RAP1GAP2: variants seen among roughly 807,000 people sequenced by gnomAD.
RAP1GAP2 encodes rap1 GTPase-activating protein 2.
Under a neutral mutation model 95.0 loss-of-function variants are expected in RAP1GAP2, and 27 were observed. That is an observed-to-expected ratio of 0.28 (90% confidence interval 0.21 to 0.39). RAP1GAP2 has a LOEUF of 0.39. Ranked by LOEUF, RAP1GAP2 falls within the 10% of genes least tolerant of loss-of-function variation. The probability of loss-of-function intolerance (pLI) is 1.00; values close to 1 mark genes in which losing one functional copy is unlikely to be tolerated. For synonymous variants in RAP1GAP2, 373 were observed against 380.9 expected (o/e 0.98, Z 0.24); for missense variants, 771 against 970.0 (o/e 0.79, Z 2.72).
At chr17:2,810,522 CTTTTTTT>C (rs1169922962) in intron 2 of RAP1GAP2, among the ~76,000 whole-genome samples, 5 of 69,434 alleles carry the variant, frequency 7.2e-5, no homozygotes, top group African/African-American at 1.8e-4. Flanking sequence ...TCCCCCCACC[CTTTTTTT>C]TTTTTTTTTT....
chr17:3,026,656 C>G (rs35984185), intron 21 of RAP1GAP2, among the ~76,000 whole-genome samples, 192 bp downstream of exon 21: 1 of 152,200 alleles, frequency 6.6e-6, no homozygotes, highest in African/African-American at 2.4e-5. Context: ...ACCTCTCTCT[C>G]AGAGTGACAT....
chr17:2,803,932 T>C (rs181470961), intron 2 of RAP1GAP2, among the ~76,000 whole-genome samples: 1 of 152,310 alleles, frequency 6.6e-6, no homozygotes, highest in East Asian at 1.9e-4. Context: ...AAGCTATGGT[T>C]ATTAAGACAG....
At chr17:2,862,661 G>A (rs2072449808) in intron 2 of RAP1GAP2, among the ~76,000 whole-genome samples, 1 of 152,178 alleles carries the variant, frequency 6.6e-6, no homozygotes, top group East Asian at 1.9e-4. Context: ...ATCCTGGCAA[G>A]TGATACTGGT....
Position 2,839,259 on chromosome 17 carries a change from G to A in RAP1GAP2, c.80+38709G>A, listed in dbSNP as rs1047545332. ...CAGAGGTTGAGTGAACCAGTGAGCCGAGGTCACGCCACTGCACTCCAGCCT... is the reference window on the plus strand; with the variant it reads ...CAGAGGTTGAGTGAACCAGTGAGCCAAGGTCACGCCACTGCACTCCAGCCT... On this transcript the variant is annotated intron_variant, in intron 2 of 24. Transcript: ENST00000254695. Among the ~76,000 whole-genome samples, 27 of 151,856 alleles carry A rather than the reference G, an allele frequency of 1.8e-4. 1 individual carries two copies. Among genetic ancestry groups the A allele is most frequent in the African/African-American group, 6.5e-4 (27 of 41,338 alleles).
chr17:3,023,891 C>T (rs1464641639), intron 19 of RAP1GAP2, among the ~76,000 whole-genome samples: 1 of 151,922 alleles, frequency 6.6e-6, no homozygotes, highest in Non-Finnish European at 1.5e-5. Context: ...CACTTATGAG[C>T]GAGAACATGT....
intron 3 of RAP1GAP2, among the ~76,000 whole-genome samples, chr17:2,931,076 C>T (rs989074428): frequency 2.9e-5 from 4 of 136,798 alleles, no homozygotes; most frequent in East Asian, 2.3e-4. Flanking sequence ...GAGCCGAGAT[C>T]GTGCCCTTGC....
At chr17:2,899,296 C>G (rs556357291) in intron 2 of RAP1GAP2, among the ~76,000 whole-genome samples, 84 of 152,186 alleles carry the variant, frequency 5.5e-4, no homozygotes, top group African/African-American at 2.0e-3. Flanking sequence ...GCTCCGCCTT[C>G]CGGGAGCTTC....
chr17:2,776,423 C>T (rs1192659758), upstream of RAP1GAP2, among the ~76,000 whole-genome samples: 1 of 152,200 alleles, frequency 6.6e-6, no homozygotes, highest in Non-Finnish European at 1.5e-5. Flanking sequence ...GCTGCTCCTT[C>T]TCTCCCCGGG....
intron 3 of RAP1GAP2, among the ~76,000 whole-genome samples, chr17:2,939,300 G>T (rs12451914): frequency 0.12 from 17,759 of 152,234 alleles, 1,106 homozygotes; most frequent in South Asian, 0.17. Flanking sequence ...ATGTTGGCCA[G>T]GCTGGTCTCG....
At chr17:2,795,968 A>C (rs190802843), upstream of RAP1GAP2, among the ~76,000 whole-genome samples, 2 of 152,180 alleles carry the variant, frequency 1.3e-5, no homozygotes, top group Admixed American at 1.3e-4. Context: ...GTGCATGTAT[A>C]CTTACATCCA....
At chr17:2,933,235 G>C (rs1187268307) in intron 3 of RAP1GAP2, among the ~76,000 whole-genome samples, 1 of 152,230 alleles carries the variant, frequency 6.6e-6, no homozygotes, top group Non-Finnish European at 1.5e-5. Flanking sequence ...CCACTGTGGA[G>C]TGAGGGAGGG....
chr17:2,794,330 G>C (rs949417637), upstream of RAP1GAP2, among the ~76,000 whole-genome samples: 2 of 152,162 alleles, frequency 1.3e-5, no homozygotes, highest in African/African-American at 2.4e-5. Flanking sequence ...GACCCTGGAG[G>C]TGGATTGAGT....
chr17:2,772,555 A>G (rs555255157), upstream of RAP1GAP2, among the ~76,000 whole-genome samples: 1 of 151,832 alleles, frequency 6.6e-6, no homozygotes, highest in Non-Finnish European at 1.5e-5. Flanking sequence ...TCTGCCTCCC[A>G]AGGTGCTGAG....
At chr17:2,935,867 AG>A (rs1318123441) in intron 3 of RAP1GAP2, among the ~76,000 whole-genome samples, 2 of 152,104 alleles carry the variant, frequency 1.3e-5, no homozygotes, top group East Asian at 3.9e-4. Context: ...CAGCTGCTGG[AG>A]AAAAACCACA....
In RAP1GAP2 at chr17:2,797,737, C is replaced by T. The variant is rs1001928486; in HGVS notation, c.44+1166C>T. 1.0e-6 allele frequency: 1 copy of T among 985,228 alleles called. No individual in the cohort carries two copies. Among genetic ancestry groups the T allele is most frequent in the Non-Finnish European group, 1.2e-6 (1 of 829,928 alleles). 61.0% of individuals were successfully genotyped at this position (985,228 alleles called of 1,614,324 possible). A position where few individuals can be genotyped will look rare whatever the true frequency, so the allele number is the denominator to read the frequency against. Reference sequence around the variant, plus strand: ...TGGCACAGCGTCGCCTGTGTCTGCTCTCGGGCCCTCCCTGACGCCTGGATC... The same window carrying T: ...TGGCACAGCGTCGCCTGTGTCTGCTTTCGGGCCCTCCCTGACGCCTGGATC... On this transcript the variant is annotated intron_variant, in intron 1 of 24. Transcript: ENST00000254695. This position sits in a 1 kb window ranked among gnomAD's most constrained non-coding sequence, Gnocchi z 5.6.
intron 4 of RAP1GAP2, 187 bp from the exon 5 acceptor site, chr17:2,962,483 C>T (rs893480749): frequency 1.5e-5 from 9 of 584,506 alleles, no homozygotes; most frequent in South Asian, 6.8e-5. Context: ...AGCCCAGCGG[C>T]GCTGTTGCCT....
Position 2,825,029 on chromosome 17 carries a change from T to G in RAP1GAP2, c.80+24479T>G, listed in dbSNP as rs2070487421. 6.6e-6 allele frequency among the ~76,000 whole-genome samples: 1 copy of G among 152,098 alleles called. No individual in the cohort carries two copies. On this transcript the variant is annotated intron_variant, in intron 2 of 24. Coordinates refer to ENST00000254695, the MANE Select transcript of RAP1GAP2 (RefSeq NM_015085.5). The surrounding 1 kb of genome is among the most constrained non-coding windows in gnomAD (Gnocchi z 4.1). The stretch of plus-strand genomic sequence containing the variant: ...GCATAATTGTGGCTCACTGCAGCCT[T>G]GAACTCATGGCACAAGCAATCTTCC...
chr17:2,933,876 T>C (rs1374401752), intron 3 of RAP1GAP2, among the ~76,000 whole-genome samples: 2 of 152,272 alleles, frequency 1.3e-5, no homozygotes, highest in Admixed American at 6.5e-5. Flanking sequence ...CAGCTGACGC[T>C]GCAAAGCCTG....
intron 3 of RAP1GAP2, among the ~76,000 whole-genome samples, chr17:2,938,172 CTT>C (rs2043361821): frequency 6.6e-6 from 1 of 152,196 alleles, no homozygotes; most frequent in African/African-American, 2.4e-5. Flanking sequence ...TCTACAGCCA[CTT>C]TGCAGAGTGG....
Sources: allele counts gnomAD v4.1 joint callset (sites outside exome capture counted in the v4.1 genomes callset), GRCh38; gene constraint gnomAD v4.1.1; non-coding constraint Gnocchi (gnomAD v3.1); transcripts MANE v1.5; gene names NCBI Gene and HGNC (gene_info 2026-07-23, HGNC 2026-07-21).